Variants in CTSC observed in about 807,000 individuals in gnomAD.
CTSC encodes the protein dipeptidyl peptidase 1.
In CTSC, 37 loss-of-function variants were observed where a neutral mutation model predicts 40.9. The ratio of observed to expected loss-of-function variants is 0.91; its 90% confidence interval spans 0.70 to 1.19. CTSC has a LOEUF of 1.19. Ranked by LOEUF, CTSC falls within the 50% of genes most tolerant of loss-of-function variation. The probability of loss-of-function intolerance (pLI) is 0.00; values close to 1 mark genes in which losing one functional copy is unlikely to be tolerated. For missense variants in CTSC, 594 were observed against 567.3 expected, an observed-to-expected ratio of 1.05 and a Z score of -0.48; for synonymous variants, 232 against 207.4, an observed-to-expected ratio of 1.12 and a Z score of -1.02.
chr11:88,304,284 G>A (rs528085788), intron 4 of CTSC, among the ~76,000 whole-genome samples: 96 of 152,240 alleles, frequency 6.3e-4, no homozygotes, highest in African/African-American at 2.0e-3. Flanking sequence ...GGTAACAAGT[G>A]CTTAGAACAG....
intron 2 of CTSC, chr11:88,328,066 A>G: frequency 8.1e-7 from 1 of 1,229,532 alleles, no homozygotes; most frequent in Non-Finnish European, 1.2e-6. Flanking sequence ...GAAGTGAGGA[A>G]GCTTGCTTTT....
intron 4 of CTSC, among the ~76,000 whole-genome samples, chr11:88,301,956 C>T (rs1944369669): frequency 6.6e-6 from 1 of 152,080 alleles, no homozygotes; most frequent in Admixed American, 6.6e-5. Context: ...GCCTGTTGCT[C>T]ACCACTTAAA....
At chr11:88,334,679 G>A (rs1161740012) in intron 2 of CTSC, 6 of 416,960 alleles carry the variant, frequency 1.4e-5, no homozygotes, top group African/African-American at 2.1e-5. Context: ...TAAGAATTTA[G>A]TCATACTTAC....
At chr11:88,324,813 G>T (rs1277373149) in intron 2 of CTSC, 2 of 985,068 alleles carry the variant, frequency 2.0e-6, no homozygotes, top group Non-Finnish European at 2.4e-6. Context: ...GAGTGATAAA[G>T]AATTTATCAG....
At chr11:88,333,977 C>T (rs753514375) in intron 2 of CTSC, among the ~76,000 whole-genome samples, 83 of 152,078 alleles carry the variant, frequency 5.5e-4, no homozygotes, top group African/African-American at 1.9e-3. Context: ...TTGCTTGGAC[C>T]GCCATAACCT....
intron 2 of CTSC, among the ~76,000 whole-genome samples, chr11:88,313,821 T>C (rs988415741): frequency 1.3e-5 from 2 of 152,188 alleles, no homozygotes; most frequent in African/African-American, 4.8e-5. Context: ...CTCAAAGGTA[T>C]AAACATTCTG....
Position 88,337,620 on chromosome 11 carries a change from C to T in CTSC, c.53G>A (p.Gly18Asp), listed in dbSNP as rs1938540579. The change falls in exon 1 of 7, where the codon GGC (glycine) becomes GAC (aspartate). Residue 18 changes from glycine to aspartate, a missense_variant. By Grantham distance (94) the Gly-to-Asp change is moderately conservative. Coordinates refer to ENST00000227266, the MANE Select transcript of CTSC (RefSeq NM_001814.6). ...LLAALLLLLS[G>D]DGAVRCDTPA... The stretch of plus-strand genomic sequence containing the variant: ...TGTGTCGCAGCGCACGGCGCCGTCG[C>T]CGGAGAGAAGCAGCAGGAGGGCGGC... The T allele has an allele frequency of 6.3e-7, 1 of 1,582,996 alleles. No homozygotes were observed. Among genetic ancestry groups the T allele is most frequent in the African/African-American group, 1.3e-5 (1 of 74,396 alleles).
chr11:88,300,615 T>C lies in CTSC; in HGVS notation c.672A>G (p.Ile224Met). 7 of 1,613,244 alleles carry C rather than the reference T, an allele frequency of 4.3e-6. No individual in the cohort carries two copies. The highest frequency in any genetic ancestry group is 5.9e-6 in the Non-Finnish European group (7 of 1,179,168). ...TTGGCAAATGCAAAATCTTTTGCTG[T>C]ATTTCAGCAGTCAGTGGTGCAGGTT... ...RPKPAPLTAE[I>M]QQKILHLPTS... Residue 224 changes from isoleucine (I) to methionine (M), a missense_variant, in exon 5 of 7, where the codon ATA becomes ATG. Ile to Met is a conservative substitution (Grantham distance 10, BLOSUM62 1). Transcript: ENST00000227266.
intron 5 of CTSC, 145 bp from the exon 6 acceptor site, chr11:88,296,409 A>C: frequency 2.0e-6 from 2 of 999,074 alleles, no homozygotes; most frequent in East Asian, 5.4e-5. Context: ...AGACTCAACT[A>C]ACAAGCATTG....
chr11:88,309,407 T>C, intron 3 of CTSC, 89 bp from the exon 4 acceptor site: 1 of 1,111,398 alleles, frequency 9.0e-7, no homozygotes, highest in Non-Finnish European at 1.4e-6. Flanking sequence ...TGTGCCTAAG[T>C]GGAAAGTGGT....
chr11:88,297,831 GCAATA>G (rs1944315390), intron 5 of CTSC: 1 of 152,204 alleles, frequency 6.6e-6, no homozygotes, highest in South Asian at 2.1e-4. Flanking sequence ...ATACTGCAAT[GCAATA>G]AAGAATAAGA....
At chr11:88,312,040 A>G (rs1472650969) in intron 3 of CTSC, among the ~76,000 whole-genome samples, 1 of 152,320 alleles carries the variant, frequency 6.6e-6, no homozygotes, top group African/African-American at 2.4e-5. Context: ...AATTAGTATC[A>G]CCTATACTTG....
chr11:88,328,534 G>C (rs892687088), intron 2 of CTSC, among the ~76,000 whole-genome samples: 1 of 152,118 alleles, frequency 6.6e-6, no homozygotes, highest in African/African-American at 2.4e-5. Flanking sequence ...CGACATTTCT[G>C]GCTGTGTGAT....
At position 88,309,300 on chromosome 11, in the gene CTSC, GT is replaced by G. The variant is rs1441383403; in HGVS notation, c.503del (p.Tyr168SerfsTer8). The G allele has an allele frequency of 6.2e-7, 1 of 1,613,508 alleles. No individual in the cohort carries two copies. Among genetic ancestry groups the G allele is most frequent in the African/African-American group, 1.3e-5 (1 of 74,910 alleles). On this transcript the variant is annotated frameshift_variant, in exon 4 of 7. Coordinates refer to ENST00000227266, the MANE Select transcript of CTSC (RefSeq NM_001814.6). LOFTEE classifies it high-confidence loss of function. ...CTTTCACAAAGTTGTGATCATACTT[GT>G]AGAGCCTATTAGAATACCTGTCCCC... ...NSQEKYSNRL[Y>X]KYDHNFVKAI...
At chr11:88,312,793 G>GAAAAC (rs953911828) in intron 2 of CTSC, among the ~76,000 whole-genome samples, 7 of 151,916 alleles carry the variant, frequency 4.6e-5, no homozygotes, top group African/African-American at 1.2e-4. Context: ...AAGGCCAAGG[G>GAAAAC]AAAACAAAAC....
At chr11:88,327,217 G>A (rs1248103090) in intron 2 of CTSC, among the ~76,000 whole-genome samples, 2 of 152,144 alleles carry the variant, frequency 1.3e-5, no homozygotes, top group African/African-American at 2.4e-5. Flanking sequence ...ACAAGATAAC[G>A]CGACACAACT....
intron 2 of CTSC, chr11:88,325,374 C>CT: frequency 1.0e-6 from 1 of 985,406 alleles, no homozygotes; most frequent in Non-Finnish European, 1.2e-6. Flanking sequence ...CAGTTCTTCT[C>CT]TTAAAACTTC....
At chr11:88,327,808 C>CT (rs34109173) in intron 2 of CTSC, 68 of 389,256 alleles carry the variant, frequency 1.7e-4, no homozygotes, top group African/African-American at 8.0e-4. Context: ...TTGAGTCAAC[C>CT]TTTTTTTTAG....
chr11:88,310,697 C>A (rs550960217), intron 3 of CTSC, among the ~76,000 whole-genome samples: 1 of 152,106 alleles, frequency 6.6e-6, no homozygotes, highest in African/African-American at 2.4e-5. Flanking sequence ...AACCCAGAGA[C>A]GTACCCTTAT....
Sources: allele counts gnomAD v4.1 joint callset (sites outside exome capture counted in the v4.1 genomes callset), GRCh38; gene constraint gnomAD v4.1.1; transcripts MANE v1.5; gene names NCBI Gene and HGNC (gene_info 2026-07-23, HGNC 2026-07-21).